Variants in AGBL4 observed in about 807,000 individuals in gnomAD.
AGBL4 encodes the protein cytosolic carboxypeptidase 6.
AGBL4 carries 58 observed loss-of-function variants against 66.4 expected under a neutral mutation model. The ratio of observed to expected loss-of-function variants is 0.87; its 90% CI spans 0.71 to 1.09. AGBL4 has a LOEUF of 1.09. Among genes scored for constraint, AGBL4 ranks in the 50% least tolerant of loss-of-function variants. The pLI is 0.00. For missense variants in AGBL4, 579 were observed against 631.0 expected, an observed-to-expected ratio of 0.92 and a Z score of 0.88; for synonymous variants, 234 against 222.9, an observed-to-expected ratio of 1.05 and a Z score of -0.44.
chr1:48,753,196 C>A (rs1156235915), intron 6 of AGBL4, among the ~76,000 whole-genome samples: 2 of 152,246 alleles, frequency 1.3e-5, no homozygotes, highest in Non-Finnish European at 2.9e-5. Flanking sequence ...CTCAGTATTT[C>A]TGACCTCAGA....
intron 4 of AGBL4, among the ~76,000 whole-genome samples, chr1:49,055,451 G>A (rs1470715125): frequency 1.3e-5 from 2 of 152,030 alleles, no homozygotes; most frequent in African/African-American, 2.4e-5. Flanking sequence ...AGTACCTACA[G>A]AGAAAATGCC....
chr1:48,969,263 T>C (rs1377929508), intron 5 of AGBL4, among the ~76,000 whole-genome samples: 1 of 152,162 alleles, frequency 6.6e-6, no homozygotes, highest in African/African-American at 2.4e-5. Context: ...AGTTACATTA[T>C]ACATGGCCAG....
chr1:49,817,476 T>C (rs145934528), intron 2 of AGBL4, among the ~76,000 whole-genome samples: 209 of 152,314 alleles, frequency 1.4e-3, no homozygotes, highest in Middle Eastern at 6.8e-3. Flanking sequence ...TTTAAGATTT[T>C]AGGGGTTTTT....
intron 3 of AGBL4, among the ~76,000 whole-genome samples, chr1:49,406,894 T>C (rs1645212011): frequency 6.6e-6 from 1 of 151,694 alleles, no homozygotes; most frequent in Admixed American, 6.6e-5. Context: ...TGAAACCCCG[T>C]CTGTATTAAA....
In AGBL4 at chr1:48,827,096, T is replaced by C. The variant is rs4926764; in HGVS notation, c.634+40095A>G. ...GCTATGTTTTCTTTGAAATTACCCC[T>C]GATTTCTTAAATCAGAATTACCATT... On this transcript the variant is annotated intron_variant, in intron 6 of 13. Coordinates refer to ENST00000371839, the MANE Select transcript of AGBL4 (RefSeq NM_032785.4). 3.1e-3 allele frequency among the ~76,000 whole-genome samples: 477 copies of C among 152,114 alleles called. 3 individuals are homozygous for C. The highest frequency in any genetic ancestry group is 0.01 in the African/African-American group (424 of 41,508).
intron 3 of AGBL4, among the ~76,000 whole-genome samples, chr1:49,459,663 T>C (rs1159391453): frequency 6.6e-6 from 1 of 151,740 alleles, no homozygotes; most frequent in Non-Finnish European, 1.5e-5. Context: ...CAATTTCATT[T>C]AGTTCTGCTC....
intron 11 of AGBL4, chr1:48,584,095 T>C (rs1414121670): frequency 6.6e-6 from 1 of 152,232 alleles, no homozygotes; most frequent in Non-Finnish European, 1.5e-5. Flanking sequence ...AAATAGTCAA[T>C]TACCAAGTCT....
intron 3 of AGBL4, among the ~76,000 whole-genome samples, chr1:49,675,932 C>T (rs2124542411): frequency 6.6e-6 from 1 of 152,180 alleles, no homozygotes; most frequent in East Asian, 1.9e-4. Context: ...GCTAAGGACC[C>T]ATTTCTTGAC....
intron 4 of AGBL4, among the ~76,000 whole-genome samples, chr1:49,079,447 G>C (rs963052839): frequency 3.9e-5 from 6 of 152,126 alleles, no homozygotes; most frequent in Non-Finnish European, 7.4e-5. Context: ...GAGAGAGAGA[G>C]ACTGTGTGAA....
intron 11 of AGBL4, among the ~76,000 whole-genome samples, chr1:48,579,221 TTTTTTA>T (rs771236108): frequency 8.1e-4 from 123 of 151,786 alleles, no homozygotes; most frequent in Non-Finnish European, 1.4e-3. Flanking sequence ...TATCATATTG[TTTTTTA>T]TTTTTATTTT....
chr1:49,132,127 A>C (rs1321185152), intron 4 of AGBL4, among the ~76,000 whole-genome samples: 2 of 152,094 alleles, frequency 1.3e-5, no homozygotes, highest in African/African-American at 4.8e-5. Context: ...GCTACTGAGG[A>C]AAAAATAAAC....
At chr1:49,014,548 C>A (rs899495756) in intron 5 of AGBL4, among the ~76,000 whole-genome samples, 5 of 152,208 alleles carry the variant, frequency 3.3e-5, no homozygotes, top group East Asian at 1.9e-4. Context: ...TATTTCTAAA[C>A]CTGCCCTCTG....
chr1:49,698,645 T>C (rs1236119997), intron 2 of AGBL4, among the ~76,000 whole-genome samples: 17 of 152,054 alleles, frequency 1.1e-4, no homozygotes. Context: ...GTAGGAATAA[T>C]AAACAAATAA....
intron 5 of AGBL4, among the ~76,000 whole-genome samples, chr1:48,956,917 T>C (rs1657497973): frequency 6.6e-6 from 1 of 152,208 alleles, no homozygotes. Context: ...TTTACTTATC[T>C]AAATTTGTAA....
intron 3 of AGBL4, among the ~76,000 whole-genome samples, chr1:49,524,624 CT>C (rs527714011): frequency 8.0e-5 from 12 of 150,244 alleles, no homozygotes; most frequent in African/African-American, 2.4e-4. Flanking sequence ...TTATGCAGAA[CT>C]TTTTTTTTTC....
chr1:48,587,621 A>ATTTAT (rs148361572), intron 10 of AGBL4, among the ~76,000 whole-genome samples: 2,185 of 148,412 alleles, frequency 0.015, 46 homozygotes, highest in African/African-American at 0.04. Context: ...TTATTATTTT[A>ATTTAT]TTTATTTTAT....
At chr1:49,580,191 T>C (rs1348170819) in intron 3 of AGBL4, among the ~76,000 whole-genome samples, 1 of 152,200 alleles carries the variant, frequency 6.6e-6, no homozygotes, top group Non-Finnish European at 1.5e-5. Context: ...TTATTTTCAG[T>C]CTATATGTGT....
chr1:48,781,911 A>AT (rs1030274763), intron 6 of AGBL4, among the ~76,000 whole-genome samples: 1 of 152,004 alleles, frequency 6.6e-6, no homozygotes, highest in African/African-American at 2.4e-5. Context: ...TGTAATACCT[A>AT]TTTTTTCTCT....
chr1:49,712,217 T>C (rs1571383782), intron 2 of AGBL4, among the ~76,000 whole-genome samples: 1 of 151,948 alleles, frequency 6.6e-6, no homozygotes, highest in East Asian at 1.9e-4. Flanking sequence ...GGTTCATCCA[T>C]GTTGTTCCAA....
Sources: allele counts gnomAD v4.1 joint callset (sites outside exome capture counted in the v4.1 genomes callset), GRCh38; gene constraint gnomAD v4.1.1; transcripts MANE v1.5; gene names NCBI Gene and HGNC (gene_info 2026-07-23, HGNC 2026-07-21).